Variants in GCNA observed in about 807,000 individuals in gnomAD.
GCNA encodes the protein germ cell nuclear acidic protein.
In GCNA, 3 loss-of-function variants were observed where a neutral mutation model predicts 38.8. The ratio of observed to expected loss-of-function variants is 0.08; its 90% CI spans 0.04 to 0.20. The LOEUF is 0.20. Among genes scored for constraint, GCNA ranks in the 10% least tolerant of loss-of-function variants. GCNA has a pLI of 1.00. For missense variants in GCNA, 446 were observed against 578.6 expected (o/e 0.77, Z 2.35); for synonymous variants, 195 against 240.2 (o/e 0.81, Z 1.74).
intron 11 of GCNA, among the ~76,000 whole-genome samples, chrX:71,612,110 T>TAA (rs765246727): frequency 1.0e-4 from 8 of 77,446 alleles, no homozygotes; most frequent in African/African-American, 2.4e-4. Flanking sequence ...CCGTCTCTAC[T>TAA]AAAAAAAAAA....
Position 71,605,076 on chromosome X carries a change from G to A in GCNA, c.1399+400G>A, listed in dbSNP as rs1057007499. Among the ~76,000 whole-genome samples, 3 of 112,187 alleles carry A rather than the reference G, an allele frequency of 2.7e-5. No individual in the cohort carries two copies. In the East Asian group the frequency reaches 8.4e-4, roughly 31 times the overall value. Reference sequence around the variant, plus strand: ...AGTCACATTGTTAGAATACATTCCTGAGTCTGTCCCCTTCCCTACCCCGTC... The same window carrying A: ...AGTCACATTGTTAGAATACATTCCTAAGTCTGTCCCCTTCCCTACCCCGTC... On this transcript the variant is annotated intron_variant, in intron 8 of 12. Coordinates refer to ENST00000373696, the MANE Select transcript of GCNA (RefSeq NM_052957.5).
chrX:71,590,310 T>G (rs974682119), intron 2 of GCNA, among the ~76,000 whole-genome samples: 1 of 111,890 alleles, frequency 8.9e-6, no homozygotes, highest in Non-Finnish European at 1.9e-5. Context: ...ACTTTTTGCC[T>G]CATGTTGATC....
intron 7 of GCNA, among the ~76,000 whole-genome samples, chrX:71,601,975 C>T (rs1173923359): frequency 5.4e-5 from 6 of 111,933 alleles, no homozygotes; most frequent in African/African-American, 2.0e-4. Flanking sequence ...ATATACGCAG[C>T]GGTGGGTTTG....
intron 2 of GCNA, among the ~76,000 whole-genome samples, chrX:71,587,799 T>TA (rs2040594624): frequency 9.1e-6 from 1 of 109,751 alleles, no homozygotes; most frequent in African/African-American, 3.3e-5. Context: ...TTTTTTTTTT[T>TA]AAACAGTCTT....
rs2040804333 is a variant in GCNA at position 71,610,787 on chromosome X, T to C, written c.1718T>C (p.Ile573Thr). ...WYPKWRRFAK[I>T]QIGLKVCDSA... Reference sequence around the variant, plus strand: ...CCAAAGTGGCGGCGCTTTGCCAAGATCCAGATTGGCTTGAAAGTCTGCGAC... The same window carrying C: ...CCAAAGTGGCGGCGCTTTGCCAAGACCCAGATTGGCTTGAAAGTCTGCGAC... Residue 573 changes from isoleucine to threonine, a missense_variant, in exon 11 of 13, where the codon ATC becomes ACC. By Grantham distance (89) the Ile-to-Thr change is moderately conservative (BLOSUM62 -1). Transcript: ENST00000373696. 8.3e-7 allele frequency: 1 copy of C among 1,211,037 alleles called. No individual in the cohort carries two copies. Among genetic ancestry groups the C allele is most frequent in the Non-Finnish European group, 1.1e-6 (1 of 895,408 alleles).
intron 2 of GCNA, among the ~76,000 whole-genome samples, chrX:71,591,921 T>G (rs1401162546): frequency 2.7e-5 from 3 of 112,562 alleles, no homozygotes; most frequent in Admixed American, 1.9e-4. Flanking sequence ...CAGTAAGGAC[T>G]GAGCAGCTCA....
intron 1 of GCNA, among the ~76,000 whole-genome samples, chrX:71,579,178 T>C (rs1331295478): frequency 1.1e-5 from 1 of 89,122 alleles, no homozygotes; most frequent in Non-Finnish European, 2.2e-5. Flanking sequence ...GTTGCGGCAC[T>C]GGGGGGAGGT....
At chrX:71,585,391 G>A (rs1338222237) in intron 2 of GCNA, among the ~76,000 whole-genome samples, 3 of 111,272 alleles carry the variant, frequency 2.7e-5, no homozygotes, top group African/African-American at 9.8e-5. Context: ...CTCAAATAGG[G>A]AGTGCCCAGG....
At chrX:71,605,566 G>T (rs112413545) in intron 8 of GCNA, 97 bp from the exon 9 acceptor site, 3 of 662,286 alleles carry the variant, frequency 4.5e-6, no homozygotes, top group Non-Finnish European at 2.3e-6. Context: ...ACTGGGCTTG[G>T]CTGTGAGGGC....
intron 1 of GCNA, 66 bp from the exon 2 acceptor site, chrX:71,580,754 G>T: frequency 9.4e-7 from 1 of 1,062,244 alleles, no homozygotes; most frequent in Non-Finnish European, 1.3e-6. Context: ...GATTATAGGC[G>T]TGAGCCACTG....
At chrX:71,608,280 T>C (rs999732860) in intron 9 of GCNA, among the ~76,000 whole-genome samples, 4 of 111,938 alleles carry the variant, frequency 3.6e-5, no homozygotes, top group African/African-American at 1.3e-4. Flanking sequence ...TTTTATTTTG[T>C]TTTATTTTTT....
rs138010303 is a variant in GCNA at position 71,603,982 on chromosome X, C to T, written c.705C>T (p.Pro235=). ...ACAGCAGTGATGATTCGGATGTTCC[C>T]GACGACAGCAGTGATGATTCGGAAG... is the stretch of plus-strand genomic sequence containing the variant. ...PDDSSDDSDV[P]DDSSDDSEAP... Residue 235 remains proline (P), a synonymous_variant, in exon 8 of 13, where the codon CCC becomes CCT. Transcript: ENST00000373696. 2.5e-6 allele frequency: 3 copies of T among 1,206,169 alleles called. No individual in the cohort carries two copies. The highest frequency in any genetic ancestry group is 3.4e-6 in the Non-Finnish European group (3 of 894,266).
intron 4 of GCNA, among the ~76,000 whole-genome samples, chrX:71,592,920 T>G (rs1386741998): frequency 1.8e-5 from 2 of 112,279 alleles, no homozygotes; most frequent in Non-Finnish European, 3.8e-5. Context: ...TTATTTTTTT[T>G]GAGACTGAGT....
intron 7 of GCNA, among the ~76,000 whole-genome samples, chrX:71,603,242 G>C: frequency 8.9e-6 from 1 of 112,047 alleles, no homozygotes; most frequent in Non-Finnish European, 1.9e-5. Flanking sequence ...TTTTGCTCAG[G>C]ATAACTTTGG....
Position 71,605,768 on chromosome X carries a change from G to A in GCNA, c.1466+39G>A, listed in dbSNP as rs750713454. 9.7e-6 allele frequency: 11 copies of A among 1,139,421 alleles called. No individual in the cohort carries two copies. In the East Asian group the frequency reaches 3.4e-4, roughly 35 times the overall value. 93.9% of individuals were successfully genotyped at this position (1,139,421 alleles called of 1,213,427 possible). ...GCATACAGTTGAACAGGAATTTATT[G>A]CACAGCCGTCACACTGGGCAGTCCA... is the stretch of plus-strand genomic sequence containing the variant. On this transcript the variant is annotated intron_variant, in intron 9 of 12. Coordinates refer to ENST00000373696, the MANE Select transcript of GCNA (RefSeq NM_052957.5).
chrX:71,612,311 GGAT>G, intron 11 of GCNA, 41 bp from the exon 12 acceptor site: 3 of 567,642 alleles, frequency 5.3e-6, no homozygotes, highest in Non-Finnish European at 7.7e-6. Context: ...AAAAAAAAGA[GGAT>G]TGGTTTTAGT....
intron 7 of GCNA, among the ~76,000 whole-genome samples, chrX:71,601,468 T>C (rs2040714223): frequency 1.8e-5 from 2 of 112,194 alleles, no homozygotes; most frequent in African/African-American, 6.5e-5. Flanking sequence ...TCATTCTTTT[T>C]TATGGTTGAG....
chrX:71,593,547 A>G (rs907384833), intron 4 of GCNA, among the ~76,000 whole-genome samples: 2 of 109,466 alleles, frequency 1.8e-5, no homozygotes, highest in African/African-American at 6.7e-5. Context: ...AGAGCAGCAG[A>G]GAGAGAGTGC....
At chrX:71,591,143 G>A (rs987590282) in intron 2 of GCNA, among the ~76,000 whole-genome samples, 4 of 111,099 alleles carry the variant, frequency 3.6e-5, no homozygotes, top group Admixed American at 2.9e-4. Flanking sequence ...GGCAGTGGCG[G>A]TGAAGTGGTG....
Sources: gnomAD v4.1 joint callset for allele counts (sites outside exome capture counted in the v4.1 genomes callset) on GRCh38, gnomAD v4.1.1 for gene constraint, MANE v1.5 for transcripts, NCBI Gene and HGNC (gene_info 2026-07-23, HGNC 2026-07-21) for gene names.